APP: variants seen among roughly 807,000 people sequenced by gnomAD.
APP encodes amyloid-beta precursor protein.
In APP, 31 loss-of-function variants were observed where a neutral mutation model predicts 101.4. That is an observed-to-expected ratio of 0.31 (90% CI 0.23 to 0.41). The LOEUF is 0.41. APP is among the 10% of genes least tolerant of loss of function. The pLI is 1.00. For missense variants in APP, 839 were observed against 1,003.7 expected, an observed-to-expected ratio of 0.84 and a Z score of 2.22; for synonymous variants, 366 against 364.4, an observed-to-expected ratio of 1.00 and a Z score of -0.05.
At chr21:26,044,916 A>G (rs2045539711) in intron 5 of APP, among the ~76,000 whole-genome samples, 2 of 152,234 alleles carry the variant, frequency 1.3e-5, no homozygotes, top group Non-Finnish European at 2.9e-5. Context: ...GGATATCATC[A>G]CTCAATATTA....
At chr21:25,928,461 T>C (rs2039998821) in intron 13 of APP, among the ~76,000 whole-genome samples, 1 of 152,128 alleles carries the variant, frequency 6.6e-6, no homozygotes, top group Non-Finnish European at 1.5e-5. Context: ...CACACACATA[T>C]CTTCTTGTTT....
intron 2 of APP, among the ~76,000 whole-genome samples, chr21:26,100,264 T>C (rs1275139865): frequency 1.3e-5 from 2 of 152,226 alleles, no homozygotes; most frequent in African/African-American, 2.4e-5. Flanking sequence ...ATCCTTACAT[T>C]TATACAGACC....
At chr21:25,992,755 T>C (rs937694962) in intron 8 of APP, among the ~76,000 whole-genome samples, 15 of 152,238 alleles carry the variant, frequency 9.9e-5, no homozygotes, top group African/African-American at 3.6e-4. Context: ...ACAGGTAGTT[T>C]AATTCACCAT....
intron 1 of APP, among the ~76,000 whole-genome samples, chr21:26,131,492 G>A (rs1462700237): frequency 6.6e-6 from 1 of 152,124 alleles, no homozygotes; most frequent in Non-Finnish European, 1.5e-5. Context: ...CCAAAACAAA[G>A]ATTATTAAAC....
intron 6 of APP, among the ~76,000 whole-genome samples, chr21:26,011,119 A>G (rs1033480015): frequency 6.6e-6 from 1 of 151,892 alleles, no homozygotes; most frequent in Non-Finnish European, 1.5e-5. Flanking sequence ...CTGTCTGCCG[A>G]GACTGGAGTG....
At chr21:25,984,341 T>C (rs376607754) in intron 8 of APP, among the ~76,000 whole-genome samples, 3 of 152,010 alleles carry the variant, frequency 2.0e-5, no homozygotes, top group African/African-American at 4.8e-5. Flanking sequence ...TGAAAATGAA[T>C]TACACACAGG....
chr21:26,067,557 G>A (rs1427112967), intron 3 of APP, among the ~76,000 whole-genome samples: 1 of 152,150 alleles, frequency 6.6e-6, no homozygotes, highest in Non-Finnish European at 1.5e-5. Context: ...CATTTTATGC[G>A]CTATGCTATC....
At chr21:26,015,536 G>GGTAA (rs888381512) in intron 6 of APP, among the ~76,000 whole-genome samples, 2 of 152,090 alleles carry the variant, frequency 1.3e-5, no homozygotes, top group African/African-American at 4.8e-5. Context: ...TGGGCATGAT[G>GGTAA]GTAAGCGTTT....
At chr21:26,005,923 A>G (rs72635012) in intron 6 of APP, among the ~76,000 whole-genome samples, 5,451 of 152,288 alleles carry the variant, frequency 0.036, 253 homozygotes, top group East Asian at 0.11. Context: ...TATCTTCAAA[A>G]TGTATACTAT....
intron 6 of APP, among the ~76,000 whole-genome samples, chr21:26,017,402 C>A (rs1466248983): frequency 1.8e-5 from 2 of 111,498 alleles, no homozygotes; most frequent in Non-Finnish European, 1.9e-5. Context: ...ATAGCAAAAT[C>A]CCGTGTCAAA....
intron 2 of APP, among the ~76,000 whole-genome samples, chr21:26,110,061 T>C (rs1338792988): frequency 6.6e-6 from 1 of 152,248 alleles, no homozygotes; most frequent in African/African-American, 2.4e-5. Context: ...ATTTCTAACA[T>C]TGACACTTTA....
intron 2 of APP, 71 bp downstream of exon 2, chr21:26,111,908 A>G: frequency 6.5e-7 from 1 of 1,550,326 alleles, no homozygotes; most frequent in East Asian, 2.2e-5. Flanking sequence ...TGCAAAATAC[A>G]AGAAGTTAAA....
intron 17 of APP, among the ~76,000 whole-genome samples, chr21:25,887,051 T>G (rs2037373301): frequency 6.6e-6 from 1 of 152,106 alleles, no homozygotes; most frequent in Non-Finnish European, 1.5e-5. Flanking sequence ...CGGGGAGACT[T>G]CTGGTGTTCA....
At chr21:25,890,721 T>TAAA (rs2037635172) in intron 17 of APP, among the ~76,000 whole-genome samples, 1 of 13,016 alleles carries the variant, frequency 7.7e-5, no homozygotes. Flanking sequence ...CGAGACTGTC[T>TAAA]CAAAAAAAAA....
At chr21:25,907,132 C>G (rs2038832887) in intron 14 of APP, among the ~76,000 whole-genome samples, 1 of 151,870 alleles carries the variant, frequency 6.6e-6, no homozygotes, top group African/African-American at 2.4e-5. Flanking sequence ...CTCTGCCTCT[C>G]CCCGCTCTTC....
chr21:25,885,348 C>A (rs373521), intron 17 of APP, among the ~76,000 whole-genome samples: 50,752 of 152,152 alleles, frequency 0.33, 8,864 homozygotes, highest in Middle Eastern at 0.49. Context: ...CTACCACGAC[C>A]CTGTGCAGAC....
Position 26,006,650 on chromosome 21 carries a change from T to A in APP, c.866-6468A>T, listed in dbSNP as rs1379079841. On this transcript the variant is annotated intron_variant, in intron 6 of 17. Coordinates refer to ENST00000346798, the MANE Select transcript of APP (RefSeq NM_000484.4). ...ATTAGTTCTGAATAGATATTTCAAA[T>A]TGGAGTGAAATTCTTTGTGGACAAC... is the stretch of plus-strand genomic sequence containing the variant. 2.8e-4 allele frequency among the ~76,000 whole-genome samples: 43 copies of A among 152,202 alleles called. 1 individual carries two copies. Among genetic ancestry groups the A allele is most frequent in the Admixed American group, 2.7e-3 (42 of 15,278 alleles).
chr21:26,103,293 G>A (rs2062104557), intron 2 of APP, among the ~76,000 whole-genome samples: 1 of 152,120 alleles, frequency 6.6e-6, no homozygotes, highest in South Asian at 2.1e-4. Context: ...ACCAACTCTT[G>A]CCTAAACATG....
chr21:26,122,759 A>G (rs1022133289), intron 1 of APP, among the ~76,000 whole-genome samples: 18 of 151,612 alleles, frequency 1.2e-4, no homozygotes, highest in Middle Eastern at 3.2e-3. Context: ...TTTTTTATTA[A>G]AAGATTTTAA....
Sources: allele counts gnomAD v4.1 joint callset (sites outside exome capture counted in the v4.1 genomes callset), GRCh38; gene constraint gnomAD v4.1.1; transcripts MANE v1.5; gene names NCBI Gene and HGNC (gene_info 2026-07-23, HGNC 2026-07-21).